Variants in FBRSL1 observed in about 807,000 individuals in gnomAD.
FBRSL1 encodes fibrosin like 1.
In FBRSL1, 51 loss-of-function variants were observed where a neutral mutation model predicts 89.6. The observed-to-expected ratio is 0.57, with a 90% CI of 0.45 to 0.72. The LOEUF (loss-of-function observed/expected upper bound fraction) is 0.72, where lower values mean the gene tolerates loss of function less well. Among genes scored for constraint, FBRSL1 ranks in the 30% least tolerant of loss-of-function variants. The probability of loss-of-function intolerance (pLI) is 0.00; values close to 1 mark genes in which losing one functional copy is unlikely to be tolerated. For synonymous variants in FBRSL1, 779 were observed against 681.1 expected (o/e 1.14, Z -2.24); for missense variants, 1,618 against 1,451.8 (o/e 1.11, Z -1.86).
intron 5 of FBRSL1, chr12:132,559,994 C>G (rs2038974608): frequency 6.8e-6 from 1 of 147,878 alleles, no homozygotes; most frequent in Non-Finnish European, 1.5e-5. Context: ...CCTCGGGGCC[C>G]GCGCCGCGCC....
rs773841775 is a variant in FBRSL1, at chr12:132,490,747, C to A, written c.177C>A (p.Pro59=). The change falls in exon 1 of 19, where the codon CCC becomes CCA. Residue 59 remains proline, a synonymous_variant. Transcript: ENST00000680143. ...GCGCGCCCCCCCGAGGCGCCGCCCC[C>A]GCGCCCCGCACCGCGCGTCCCCCGC... is the stretch of plus-strand genomic sequence containing the variant. ...LRGAPPRGAA[P]APRTARPPRR... is the part of the protein sequence containing the mutation. 1.9e-6 allele frequency: 2 copies of A among 1,042,756 alleles called. No individual in the cohort carries two copies. Among genetic ancestry groups the A allele is most frequent in the Non-Finnish European group, 2.3e-6 (2 of 871,936 alleles). 64.6% of individuals were successfully genotyped at this position (1,042,756 alleles called of 1,614,324 possible). A position where few individuals can be genotyped will look rare whatever the true frequency, so the allele number is the denominator to read the frequency against.
intron 1 of FBRSL1, chr12:132,507,493 C>A: frequency 1.1e-6 from 1 of 921,136 alleles, no homozygotes; most frequent in Non-Finnish European, 1.3e-6. Context: ...GGGCTGTCCG[C>A]AGGCTAGAAG....
chr12:132,529,160 C>T (rs538393276), intron 4 of FBRSL1, among the ~76,000 whole-genome samples: 2 of 152,330 alleles, frequency 1.3e-5, no homozygotes, highest in Admixed American at 6.5e-5. Flanking sequence ...CCCTGCAGCC[C>T]CCGAAATTTC....
At position 132,584,819 on chromosome 12, in the gene FBRSL1, TAC is replaced by T. The variant is rs72443894; in HGVS notation, c.*1073_*1074del. 6.2e-3 allele frequency: 614 copies of T among 99,458 alleles called. 4 individuals are homozygous for T. The highest frequency in any genetic ancestry group is 0.014 in the African/African-American group (402 of 27,990). The allele number at this position is 99,458 out of a possible 1,614,324, so 6.2% of individuals were successfully genotyped here. On this transcript the variant is annotated 3_prime_UTR_variant, in exon 19 of 19. Coordinates refer to ENST00000680143, the MANE Select transcript of FBRSL1 (RefSeq NM_001367871.1). ...AGTGCAAGAGTCTAAAGGCTGATTT[TAC>T]ACACACACACACACACACACACACA...
At chr12:132,559,979 C>G (rs930961614) in intron 5 of FBRSL1, 48 of 147,688 alleles carry the variant, frequency 3.3e-4, no homozygotes, top group Non-Finnish European at 5.8e-4. Context: ...GCTCCGCGCC[C>G]GCCGCCTCGG....
At chr12:132,512,789 C>T (rs1365906679) in intron 2 of FBRSL1, among the ~76,000 whole-genome samples, 1 of 152,204 alleles carries the variant, frequency 6.6e-6, no homozygotes, top group African/African-American at 2.4e-5. Flanking sequence ...CCAGGGAGGG[C>T]TGAGGAGAGC....
At position 132,499,150 on chromosome 12, in the gene FBRSL1, A is replaced by G. The variant is rs552285032; in HGVS notation, c.291+8289A>G. On this transcript the variant is annotated intron_variant, in intron 1 of 18. Transcript: ENST00000680143. This position sits in a 1 kb window ranked among gnomAD's most constrained non-coding sequence, Gnocchi z 4.3. ...CCTCGGCAGCCGCCCCGCCCATTCC[A>G]GATCTCTGCTCTGCCCAGGTCTTGA... Among the ~76,000 whole-genome samples the G allele has an allele frequency of 2.0e-5, 3 of 152,324 alleles. No individual in the cohort carries two copies. The highest frequency in any genetic ancestry group is 4.4e-5 in the Non-Finnish European group (3 of 68,014).
intron 5 of FBRSL1, among the ~76,000 whole-genome samples, chr12:132,558,929 T>A (rs2038890043): frequency 6.6e-6 from 1 of 152,250 alleles, no homozygotes; most frequent in Non-Finnish European, 1.5e-5. Flanking sequence ...GACCCGTCCT[T>A]AAACACTTCC....
In FBRSL1 at chr12:132,582,279, C is replaced by T. The variant is rs2040812939; in HGVS notation, c.2201+13C>T. On this transcript the variant is annotated intron_variant, in intron 18 of 18. Coordinates refer to ENST00000680143, the MANE Select transcript of FBRSL1 (RefSeq NM_001367871.1). ...AGGAGCAGGAACGGTGAGTGGCCCT[C>T]TTGTTCCGTATCCCCACCACACACC... The T allele has an allele frequency of 1.3e-6, 2 of 1,548,322 alleles. No homozygotes were observed. The highest frequency in any genetic ancestry group is 1.2e-5 in the South Asian group (1 of 83,950).
At chr12:132,504,892 G>C (rs1489927160) in intron 1 of FBRSL1, among the ~76,000 whole-genome samples, 1 of 152,152 alleles carries the variant, frequency 6.6e-6, no homozygotes, top group Non-Finnish European at 1.5e-5. Flanking sequence ...CACTCTGGGG[G>C]GCTGAGGTGG....
intron 8 of FBRSL1, among the ~76,000 whole-genome samples, chr12:132,570,764 C>G (rs1168243910): frequency 6.6e-6 from 1 of 152,202 alleles, no homozygotes; most frequent in Non-Finnish European, 1.5e-5. Flanking sequence ...CATGCACGTA[C>G]AGACGCGTGT....
Position 132,526,005 on chromosome 12 carries a change from C to T in FBRSL1, c.579+182C>T, listed in dbSNP as rs141214288. Among the ~76,000 whole-genome samples, 522 of 152,384 alleles carry T rather than the reference C, an allele frequency of 3.4e-3. 3 individuals are homozygous for T. The highest frequency in any genetic ancestry group is 0.014 in the Middle Eastern group (4 of 294). ...CTGCACAAGGGCGTCCAGGAAGCCG[C>T]TGGTTAGGGTCCGGTTTCCCACCAA... On this transcript the variant is annotated intron_variant, in intron 3 of 18. Transcript: ENST00000680143.
chr12:132,562,061 C>T (rs546785519), intron 5 of FBRSL1, among the ~76,000 whole-genome samples: 2 of 152,298 alleles, frequency 1.3e-5, no homozygotes, highest in African/African-American at 4.8e-5. Context: ...CTGCACAGGC[C>T]CCTTCACTAT....
chr12:132,556,784 C>G (rs1298835663), intron 5 of FBRSL1, among the ~76,000 whole-genome samples: 1 of 130,872 alleles, frequency 7.6e-6, no homozygotes, highest in Non-Finnish European at 1.6e-5. Flanking sequence ...ACGCTCCTCT[C>G]CAGGCCTTCG....
At chr12:132,575,522 C>T (rs1397392686) in intron 14 of FBRSL1, among the ~76,000 whole-genome samples, 6 of 152,220 alleles carry the variant, frequency 3.9e-5, no homozygotes, top group Admixed American at 6.5e-5. Flanking sequence ...CCACTGTGCC[C>T]GGCCAGAATG....
chr12:132,502,031 G>A (rs2033046783), intron 1 of FBRSL1, among the ~76,000 whole-genome samples: 1 of 152,246 alleles, frequency 6.6e-6, no homozygotes, highest in African/African-American at 2.4e-5. Flanking sequence ...TGTTTGTACA[G>A]AGAGTGCATG....
chr12:132,526,200 G>GTGGA (rs2035778004), intron 3 of FBRSL1, among the ~76,000 whole-genome samples: 1 of 152,274 alleles, frequency 6.6e-6, no homozygotes, highest in Admixed American at 6.5e-5. Flanking sequence ...TGGCCTGTGG[G>GTGGA]TGGAGGGCAG....
rs367780279 is a variant in FBRSL1 at position 132,579,655 on chromosome 12, C to T, written c.1835-1784C>T. 1.8e-4 allele frequency among the ~76,000 whole-genome samples: 28 copies of T among 152,320 alleles called. No individual in the cohort carries two copies. The East Asian group carries it at 4.2e-3, about 23-fold the overall frequency. ...TACGTTTCTGGAGCCACTGTTCCAG[C>T]GCTTTGTTCCAGATGAGTTTCCTGA... On this transcript the variant is annotated intron_variant, in intron 15 of 18. Coordinates refer to ENST00000680143, the MANE Select transcript of FBRSL1 (RefSeq NM_001367871.1).
intron 5 of FBRSL1, chr12:132,551,559 C>T (rs974983605): frequency 5.3e-5 from 24 of 456,172 alleles, no homozygotes; most frequent in African/African-American, 4.6e-4. Flanking sequence ...CGGGTTTGAG[C>T]TTGGTTTGGG....
Sources: gnomAD v4.1 joint callset for allele counts (sites outside exome capture counted in the v4.1 genomes callset) on GRCh38, gnomAD v4.1.1 for gene constraint, Gnocchi (gnomAD v3.1) non-coding constraint, MANE v1.5 for transcripts, NCBI Gene and HGNC (gene_info 2026-07-23, HGNC 2026-07-21) for gene names.